UBXN11: variants seen among roughly 807,000 people sequenced by gnomAD.
The protein encoded by UBXN11 is UBX domain-containing protein 11.
Under a neutral mutation model 62.8 loss-of-function variants are expected in UBXN11, and 47 were observed. The ratio of observed to expected loss-of-function variants is 0.75; its 90% CI spans 0.59 to 0.95. The LOEUF (loss-of-function observed/expected upper bound fraction) is 0.95. Ranked by LOEUF, UBXN11 falls within the 40% of genes least tolerant of loss-of-function variation. The pLI, the probability that UBXN11 is intolerant of heterozygous loss-of-function variation, is 0.00. For missense variants in UBXN11, 638 were observed against 661.7 expected, an observed-to-expected ratio of 0.96 and a Z score of 0.39; for synonymous variants, 294 against 267.0, an observed-to-expected ratio of 1.10 and a Z score of -0.99.
chr1:26,306,763 T>G (rs2073677542), upstream of UBXN11: 1 of 139,580 alleles, frequency 7.2e-6, no homozygotes, highest in Non-Finnish European at 1.5e-5. Flanking sequence ...GCCCACAGAG[T>G]CGGTATTCTT....
intron 7 of UBXN11, among the ~76,000 whole-genome samples, chr1:26,296,444 A>C (rs2073394612): frequency 6.6e-6 from 1 of 152,178 alleles, no homozygotes; most frequent in Admixed American, 6.5e-5. Context: ...GACTGAGGAC[A>C]GTGGAACTGA....
chr1:26,295,756 T>G (rs1448540572), intron 7 of UBXN11, among the ~76,000 whole-genome samples: 1 of 152,230 alleles, frequency 6.6e-6, no homozygotes, highest in Non-Finnish European at 1.5e-5. Context: ...CTTGTGTACC[T>G]GTGTACTCGT....
chr1:26,308,474 G>A (rs2073705754), upstream of UBXN11, among the ~76,000 whole-genome samples: 1 of 152,098 alleles, frequency 6.6e-6, no homozygotes, highest in African/African-American at 2.4e-5. Context: ...GAAGAAGGTG[G>A]TACAGACCTA....
chr1:26,293,811 A>G (rs993703508), intron 8 of UBXN11, among the ~76,000 whole-genome samples: 9 of 145,998 alleles, frequency 6.2e-5, no homozygotes, highest in Non-Finnish European at 1.4e-4. Flanking sequence ...AAACCTGGAG[A>G]GGGAGGCCAA....
chr1:26,312,017 T>G (rs2073749037), intron 1 of UBXN11, among the ~76,000 whole-genome samples: 1 of 152,178 alleles, frequency 6.6e-6, no homozygotes, highest in South Asian at 2.1e-4. Context: ...AGCCCTCCTA[T>G]TTTGGGTTCC....
rs2073574872 is a variant in UBXN11 at position 26,302,903 on chromosome 1, A to G, written c.-20T>C. ...GCTCATAGTTCTACTTCTAGAATCCAGCTGTCAGGAACTCCCTAGAGGAAT... is the reference window on the plus strand; with the variant it reads ...GCTCATAGTTCTACTTCTAGAATCCGGCTGTCAGGAACTCCCTAGAGGAAT... On this transcript the variant is annotated 5_prime_UTR_variant, in exon 2 of 15. Coordinates refer to ENST00000374222, the MANE Select transcript of UBXN11 (RefSeq NM_001389556.1). The G allele has an allele frequency of 6.2e-7, 1 of 1,612,816 alleles. No homozygotes were observed. The highest frequency in any genetic ancestry group is 8.5e-7 in the Non-Finnish European group (1 of 1,179,222).
Position 26,282,512 on chromosome 1 carries a change from C to T in UBXN11, c.1350G>A (p.Gln450=), listed in dbSNP as rs748311785. Residue 450 remains glutamine, a synonymous_variant, in exon 15 of 15, where the codon CAG becomes CAA. Coordinates refer to ENST00000374222, the MANE Select transcript of UBXN11 (RefSeq NM_001389556.1). The stretch of plus-strand genomic sequence containing the variant: ...CAGCCTGCAGCGTGAGTGTATCGTC[C>T]TGGTAGAGGGTGGGCGGGAATGTGC... The part of the protein sequence containing the change: ...IFSTFPPTLY[Q]DDTLTLQAAG... 6.2e-7 allele frequency: 1 copy of T among 1,600,212 alleles called. No homozygotes were observed. The highest frequency in any genetic ancestry group is 2.2e-5 in the East Asian group (1 of 44,592).
rs762094332 is a variant in UBXN11 at position 26,300,952 on chromosome 1, C to A, written c.173G>T (p.Gly58Val). 2 of 1,614,236 alleles carry A rather than the reference C, an allele frequency of 1.2e-6. No homozygotes were observed. The highest frequency in any genetic ancestry group is 1.7e-6 in the Non-Finnish European group (2 of 1,180,026). Residue 58 changes from glycine to valine, a missense_variant, in exon 4 of 15, where the codon GGC (glycine) becomes GTC (valine). Coordinates refer to ENST00000374222, the MANE Select transcript of UBXN11 (RefSeq NM_001389556.1). ...EKISVPSCYG[G>V]IGAPVSRQVP... Reference sequence around the variant, plus strand: ...TTGCCGACTCACAGGGGCACCTATGCCGCCATAGCAGGAAGGGACTGAGAT... The same window carrying A: ...TTGCCGACTCACAGGGGCACCTATGACGCCATAGCAGGAAGGGACTGAGAT...
chr1:26,294,349 G>T lies in UBXN11; in HGVS notation c.433-18C>A. On this transcript the variant is annotated intron_variant, in intron 7 of 14. Transcript: ENST00000374222. ...AGGAACCGCTGTGGGAAAGAAGGGG[G>T]AGATGCGGGGCACCGTCAGCTCAGC... 6.7e-7 allele frequency: 1 copy of T among 1,494,172 alleles called. No homozygotes were observed. Among genetic ancestry groups the T allele is most frequent in the Non-Finnish European group, 8.9e-7 (1 of 1,120,344 alleles). 92.6% of individuals were successfully genotyped at this position (1,494,172 alleles called of 1,614,324 possible).
At chr1:26,287,518 T>C (rs2073160293) in intron 8 of UBXN11, among the ~76,000 whole-genome samples, 1 of 152,012 alleles carries the variant, frequency 6.6e-6, no homozygotes, top group South Asian at 2.1e-4. Context: ...CAATAACTTT[T>C]GGGGCCTCAG....
At chr1:26,294,067 G>C (rs2073337356) in intron 8 of UBXN11, 138 bp downstream of exon 8, 2 of 1,335,044 alleles carry the variant, frequency 1.5e-6, no homozygotes, top group East Asian at 2.5e-5. Flanking sequence ...TGTCTCAGGG[G>C]CAAGTTGTGG....
chr1:26,301,648 C>A, intron 3 of UBXN11, 46 bp downstream of exon 3: 1 of 1,609,952 alleles, frequency 6.2e-7, no homozygotes, highest in Non-Finnish European at 8.5e-7. Context: ...GTAGGAGGTG[C>A]AAGCACATGA....
At chr1:26,301,191 T>A (rs1382897834) in intron 3 of UBXN11, 167 bp from the exon 4 acceptor site, 2 of 1,349,838 alleles carry the variant, frequency 1.5e-6, no homozygotes. Context: ...ATGGGGCTGT[T>A]TTGGAGTTCT....
At chr1:26,306,104 G>A (rs1371436536) in intron 1 of UBXN11, among the ~76,000 whole-genome samples, 1 of 152,220 alleles carries the variant, frequency 6.6e-6, no homozygotes, top group Non-Finnish European at 1.5e-5. Context: ...AGATTAGGGA[G>A]CCCTGAGGAC....
chr1:26,292,213 CCT>C (rs2073284522), intron 8 of UBXN11, among the ~76,000 whole-genome samples: 1 of 152,160 alleles, frequency 6.6e-6, no homozygotes, highest in Non-Finnish European at 1.5e-5. Flanking sequence ...ACTCCTGGCC[CCT>C]GTCAAGGCTA....
At chr1:26,310,289 G>A (rs934938421), upstream of UBXN11, among the ~76,000 whole-genome samples, 7 of 151,988 alleles carry the variant, frequency 4.6e-5, no homozygotes, top group African/African-American at 1.4e-4. Context: ...TGTAATCCCA[G>A]CACTTTGGGA....
At chr1:26,308,935 A>ATT (rs57323315), upstream of UBXN11, among the ~76,000 whole-genome samples, 6,666 of 108,156 alleles carry the variant, frequency 0.062, 442 homozygotes, top group Admixed American at 0.13. Context: ...CAGTCGTTTG[A>ATT]TTTTTTTTTT....
At position 26,282,889 on chromosome 1, in the gene UBXN11, G is replaced by C. The variant is rs772473973; in HGVS notation, c.1126C>G (p.Pro376Ala). ...CTCTCTCGCTCAGCGGCCAAGGTGG[G>C]CGTCTCCACCACAATCTCCTGGATC... is the stretch of plus-strand genomic sequence containing the variant. ...ARIQEIVVET[P>A]TLAAERERSQ... is the part of the protein sequence containing the mutation. The change falls in exon 13 of 15, where the codon CCC becomes GCC. Residue 376 changes from proline to alanine, a missense_variant. Transcript: ENST00000374222. 2.5e-6 allele frequency: 4 copies of C among 1,614,186 alleles called. No homozygotes were observed. Among genetic ancestry groups the C allele is most frequent in the Non-Finnish European group, 3.4e-6 (4 of 1,180,022 alleles).
chr1:26,314,729 G>A (rs992559350), intron 1 of UBXN11, among the ~76,000 whole-genome samples: 1 of 152,162 alleles, frequency 6.6e-6, no homozygotes. Context: ...AACCCACAAG[G>A]GACAGACCAT....
Sources: allele counts gnomAD v4.1 joint callset (sites outside exome capture counted in the v4.1 genomes callset), GRCh38; gene constraint gnomAD v4.1.1; transcripts MANE v1.5; gene names NCBI Gene and HGNC (gene_info 2026-07-23, HGNC 2026-07-21).